CTBS: variants seen among roughly 807,000 people sequenced by gnomAD.
CTBS encodes chitobiase, also known as di-N-acetylchitobiase.
Under a neutral mutation model 44.3 loss-of-function variants are expected in CTBS, and 35 were observed. That is an observed-to-expected ratio of 0.79 (90% CI 0.60 to 1.05). CTBS has a LOEUF of 1.05. Ranked by LOEUF, CTBS falls within the 50% of genes least tolerant of loss-of-function variation. The pLI is 0.00. For synonymous variants in CTBS, 143 were observed against 168.0 expected, an observed-to-expected ratio of 0.85 and a Z score of 1.15; for missense variants, 458 against 475.3, an observed-to-expected ratio of 0.96 and a Z score of 0.34.
At chr1:84,574,204 A>C (rs752943680) in intron 1 of CTBS, 35 bp downstream of exon 1, 6 of 1,594,352 alleles carry the variant, frequency 3.8e-6, no homozygotes, top group South Asian at 1.1e-5. Context: ...CGTGCCCTGA[A>C]GCCCAGACCT....
intron 1 of CTBS, among the ~76,000 whole-genome samples, chr1:84,573,076 A>G (rs2911591): frequency 0.27 from 40,671 of 152,138 alleles, 5,560 homozygotes; most frequent in South Asian, 0.39. Flanking sequence ...GGAGGCCATT[A>G]TGCTGAAACA....
At position 84,569,959 on chromosome 1, in the gene CTBS, G is replaced by A; in HGVS notation, c.497C>T (p.Ser166Phe). The change falls in exon 3 of 7, where the codon TCT becomes TTT. Residue 166 changes from serine to phenylalanine, a missense_variant. Coordinates refer to ENST00000370630, the MANE Select transcript of CTBS (RefSeq NM_004388.3). ...LTALVKETTDSFHREIEGSQV... is the reference protein window; with the variant it reads ...LTALVKETTDFFHREIEGSQV... ...TGATCCCTCAATTTCACGATGGAAA[G>A]AGTCTGTAGTTTCTTTGACTAAAGC... The A allele has an allele frequency of 6.2e-7, 1 of 1,610,424 alleles. No individual in the cohort carries two copies. Among genetic ancestry groups the A allele is most frequent in the Non-Finnish European group, 8.5e-7 (1 of 1,179,296 alleles).
At chr1:84,562,796 G>T (rs911376416) in intron 6 of CTBS, among the ~76,000 whole-genome samples, 4 of 152,112 alleles carry the variant, frequency 2.6e-5, no homozygotes, top group Non-Finnish European at 5.9e-5. Flanking sequence ...AATTGAAAAT[G>T]ATAGTTTTTC....
chr1:84,563,155 C>T lies in CTBS; in HGVS notation c.957+102G>A, dbSNP rs148737201. 299 of 817,990 alleles carry T rather than the reference C, an allele frequency of 3.7e-4. 1 individual carries two copies. The African/African-American group carries it at 4.9e-3, about 13-fold the overall frequency. 50.7% of individuals were successfully genotyped at this position (817,990 alleles called of 1,614,324 possible). A position where few individuals can be genotyped will look rare whatever the true frequency, so the allele number is the denominator to read the frequency against. ...TAAATAGCAGTCTGCATGTTATGCCCTAAAAGAAAACTGATAGAAATTCTT... is the reference window on the plus strand; with the variant it reads ...TAAATAGCAGTCTGCATGTTATGCCTTAAAAGAAAACTGATAGAAATTCTT... On this transcript the variant is annotated intron_variant, in intron 6 of 6. Transcript: ENST00000370630.
At position 84,561,372 on chromosome 1, in the gene CTBS, A is replaced by C. The variant is rs1002254094; in HGVS notation, c.957+1885T>G. Among the ~76,000 whole-genome samples, 3 of 152,238 alleles carry C rather than the reference A, an allele frequency of 2.0e-5. No homozygotes were observed. The South Asian group carries it at 6.2e-4, about 31-fold the overall frequency. Reference sequence around the variant, plus strand: ...TCAATTGCTACAATCTCGTGATAAAATTTGAATAGATGAGGAGCTACTTCT... The same window carrying C: ...TCAATTGCTACAATCTCGTGATAAACTTTGAATAGATGAGGAGCTACTTCT... On this transcript the variant is annotated intron_variant, in intron 6 of 6. Transcript: ENST00000370630.
rs780380090 is a variant in CTBS at position 84,554,446 on chromosome 1, G to A, written c.*553C>T. 1 of 152,150 alleles carries A rather than the reference G, an allele frequency of 6.6e-6. No homozygotes were observed. The highest frequency in any genetic ancestry group is 1.9e-4 in the East Asian group (1 of 5,198). 9.4% of individuals were successfully genotyped at this position (152,150 alleles called of 1,614,324 possible). On this transcript the variant is annotated 3_prime_UTR_variant, in exon 7 of 7. Coordinates refer to ENST00000370630, the MANE Select transcript of CTBS (RefSeq NM_004388.3). ...CTCACTGTCCAAAGATTTAGTTCAA[G>A]TACCTCAGAGAACATAAATACTATA...
At chr1:84,569,798 A>T (rs1369842757) in intron 3 of CTBS, 133 bp downstream of exon 3, 3 of 858,142 alleles carry the variant, frequency 3.5e-6, no homozygotes, top group Admixed American at 5.7e-5. Context: ...CTCCAGAAAA[A>T]TTTTTTAGGA....
In CTBS at chr1:84,553,746, G is replaced by A. The variant is rs577244050; in HGVS notation, c.*1253C>T. The A allele has an allele frequency of 3.3e-5, 5 of 152,200 alleles. No individual in the cohort carries two copies. The East Asian group carries it at 9.6e-4, about 29-fold the overall frequency. 9.4% of individuals were successfully genotyped at this position (152,200 alleles called of 1,614,324 possible). On this transcript the variant is annotated 3_prime_UTR_variant, in exon 7 of 7. Coordinates refer to ENST00000370630, the MANE Select transcript of CTBS (RefSeq NM_004388.3). ...GAAATGTAATATTCTCATAACAGAT[G>A]GTTCAATCATCATGTATTCCAATTT...
At chr1:84,564,323 A>G (rs1276631119) in intron 4 of CTBS, among the ~76,000 whole-genome samples, 1 of 152,218 alleles carries the variant, frequency 6.6e-6, no homozygotes, top group Non-Finnish European at 1.5e-5. Context: ...GGAGGAAACA[A>G]AGAGAAAAAT....
intron 6 of CTBS, 51 bp downstream of exon 6, chr1:84,563,206 T>TA: frequency 8.1e-7 from 1 of 1,232,572 alleles, no homozygotes. Flanking sequence ...ATTATGAAAA[T>TA]AATTACAAAA....
At chr1:84,568,238 A>G (rs1436748255) in intron 3 of CTBS, among the ~76,000 whole-genome samples, 3 of 152,212 alleles carry the variant, frequency 2.0e-5, no homozygotes, top group South Asian at 2.1e-4. Flanking sequence ...CAGGATTGTC[A>G]AATAGGTTGT....
At chr1:84,565,118 G>C (rs1231403068) in intron 4 of CTBS, among the ~76,000 whole-genome samples, 1 of 151,778 alleles carries the variant, frequency 6.6e-6, no homozygotes, top group African/African-American at 2.4e-5. Context: ...GGCTAAGGCT[G>C]AGCTTGTGAG....
chr1:84,565,219 A>C (rs1480621868), intron 4 of CTBS, among the ~76,000 whole-genome samples: 1 of 152,148 alleles, frequency 6.6e-6, no homozygotes, highest in Non-Finnish European at 1.5e-5. Context: ...AATTAAAAAA[A>C]AAAACAAAAG....
intron 6 of CTBS, among the ~76,000 whole-genome samples, 190 bp downstream of exon 6, chr1:84,563,067 C>T (rs1387950387): frequency 6.6e-6 from 1 of 152,156 alleles, no homozygotes; most frequent in Non-Finnish European, 1.5e-5. Flanking sequence ...ATTAGCAAAA[C>T]TCCAATTGCT....
At chr1:84,563,971 A>T in intron 4 of CTBS, 139 bp from the exon 5 acceptor site, 1 of 947,402 alleles carries the variant, frequency 1.1e-6, no homozygotes, top group Non-Finnish European at 1.4e-6. Flanking sequence ...AATATGTTAT[A>T]AAACATCCCT....
intron 1 of CTBS, 146 bp downstream of exon 1, chr1:84,574,093 T>A (rs1426448974): frequency 6.8e-7 from 1 of 1,463,094 alleles, no homozygotes; most frequent in Admixed American, 2.7e-5. Context: ...ATCTATAAAT[T>A]GAAGGATCCG....
chr1:84,550,566 A>G lies in CTBS; in HGVS notation c.*4433T>C. On this transcript the variant is annotated 3_prime_UTR_variant, in exon 7 of 7. Transcript: ENST00000370630. ...TTTTTCCTAATCAGATTATTATAAC[A>G]TTTATCTTGAAATAAAATATTTTGG... 1 of 1,463,866 alleles carries G rather than the reference A, an allele frequency of 6.8e-7. No homozygotes were observed. The highest frequency in any genetic ancestry group is 2.6e-5 in the East Asian group (1 of 38,456). The allele number at this position is 1,463,866 out of a possible 1,614,324, so 90.7% of individuals were successfully genotyped here. A position where few individuals can be genotyped will look rare whatever the true frequency, so the allele number is the denominator to read the frequency against.
At chr1:84,572,941 A>G (rs1262269442) in intron 1 of CTBS, among the ~76,000 whole-genome samples, 2 of 152,152 alleles carry the variant, frequency 1.3e-5, no homozygotes, top group Non-Finnish European at 2.9e-5. Flanking sequence ...GGCCTCACAA[A>G]GTGCTTCTCA....
chr1:84,573,887 T>C, intron 1 of CTBS: 1 of 1,129,914 alleles, frequency 8.9e-7, no homozygotes. Context: ...AAATCCTCGT[T>C]CCTTGGAAAC....
Sources: allele counts gnomAD v4.1 joint callset (sites outside exome capture counted in the v4.1 genomes callset), GRCh38; gene constraint gnomAD v4.1.1; transcripts MANE v1.5; gene names NCBI Gene and HGNC (gene_info 2026-07-23, HGNC 2026-07-21).